Variants in SYN2 observed in about 807,000 individuals in gnomAD.
SYN2 encodes synapsin II.
A neutral mutation model predicts 50.9 loss-of-function variants in SYN2; 19 were observed. The observed-to-expected ratio is 0.37, with a 90% CI of 0.26 to 0.55. The LOEUF (loss-of-function observed/expected upper bound fraction) is 0.55, where lower values mean the gene tolerates loss of function less well. SYN2 is among the 20% of genes least tolerant of loss of function. The probability of loss-of-function intolerance (pLI) is 0.81; values close to 1 mark genes in which losing one functional copy is unlikely to be tolerated. For synonymous variants in SYN2, 255 were observed against 224.9 expected, an observed-to-expected ratio of 1.13 and a Z score of -1.20; for missense variants, 587 against 576.4, an observed-to-expected ratio of 1.02 and a Z score of -0.19.
At chr3:12,041,394 A>G (rs1488082594) in intron 1 of SYN2, among the ~76,000 whole-genome samples, 1 of 152,224 alleles carries the variant, frequency 6.6e-6, no homozygotes, top group Non-Finnish European at 1.5e-5. Context: ...ACATTGGAAT[A>G]GAGCTTGCCT....
chr3:12,185,078 G>C (rs1574895981), intron 11 of SYN2: 1 of 985,696 alleles, frequency 1.0e-6, no homozygotes, highest in Non-Finnish European at 1.2e-6. Flanking sequence ...TGCATTGAGT[G>C]TGAATGTTGT....
chr3:12,004,893 G>C lies in SYN2; in HGVS notation c.342G>C (p.Lys114Asn). 1 of 583,304 alleles carries C rather than the reference G, an allele frequency of 1.7e-6. No individual in the cohort carries two copies. The highest frequency in any genetic ancestry group is 3.1e-6 in the Non-Finnish European group (1 of 326,194). 36.1% of individuals were successfully genotyped at this position (583,304 alleles called of 1,614,324 possible). The change falls in exon 1 of 13, where the codon AAG becomes AAC. Residue 114 changes from lysine (K) to asparagine (N), a missense_variant. Lys to Asn is a moderately conservative substitution (Grantham distance 94). Coordinates refer to ENST00000621198, the MANE Select transcript of SYN2 (RefSeq NM_133625.6). The part of the protein sequence containing the change: ...APAPAAARKA[K>N]VLLVVDEPHA... ...CGCCCGCAGCCGCCAGGAAGGCCAAGGTGCTGCTGGTGGTCGACGAGCCGC... is the reference window on the plus strand; with the variant it reads ...CGCCCGCAGCCGCCAGGAAGGCCAACGTGCTGCTGGTGGTCGACGAGCCGC...
intron 1 of SYN2, among the ~76,000 whole-genome samples, chr3:12,020,200 T>C (rs766668107): frequency 7.9e-5 from 12 of 152,224 alleles, no homozygotes; most frequent in Non-Finnish European, 1.5e-4. Flanking sequence ...AAGCTTCTTA[T>C]TTTTCTTTGT....
Position 12,072,086 on chromosome 3 carries a change from T to A in SYN2, c.377+67158T>A, listed in dbSNP as rs140680905. Reference sequence around the variant, plus strand: ...GTAAGGAAAAATAAAAATGCTGCCGTTAAAAAAAAACAAAAACCTTTTTAT... The same window carrying A: ...GTAAGGAAAAATAAAAATGCTGCCGATAAAAAAAAACAAAAACCTTTTTAT... On this transcript the variant is annotated intron_variant, in intron 1 of 12. Coordinates refer to ENST00000621198, the MANE Select transcript of SYN2 (RefSeq NM_133625.6). Among the ~76,000 whole-genome samples the A allele has an allele frequency of 4.1e-4, 63 of 152,274 alleles. 1 individual carries two copies. The highest frequency in any genetic ancestry group is 1.5e-3 in the African/African-American group (62 of 41,552).
intron 10 of SYN2, among the ~76,000 whole-genome samples, chr3:12,182,352 G>A (rs963049375): frequency 3.9e-5 from 6 of 152,148 alleles, no homozygotes; most frequent in East Asian, 1.9e-4. Flanking sequence ...TGACATCACC[G>A]TTGGCACACT....
chr3:12,016,232 TC>T (rs959366694), intron 1 of SYN2, among the ~76,000 whole-genome samples: 2 of 152,068 alleles, frequency 1.3e-5, no homozygotes, highest in Non-Finnish European at 2.9e-5. Context: ...AGTTCTAGAG[TC>T]CTGTGTTCAC....
chr3:12,062,645 A>G (rs1007357044), intron 1 of SYN2, among the ~76,000 whole-genome samples: 1 of 152,040 alleles, frequency 6.6e-6, no homozygotes, highest in Non-Finnish European at 1.5e-5. Flanking sequence ...AATAACTCTA[A>G]GACTCAATAA....
intron 1 of SYN2, chr3:12,071,164 AC>A (rs1695345793): frequency 1.8e-6 from 1 of 553,538 alleles, no homozygotes; most frequent in South Asian, 1.4e-5. Context: ...CCCGGGCATC[AC>A]CAACAGGATG....
At chr3:12,085,108 TA>T (rs61355688) in intron 1 of SYN2, among the ~76,000 whole-genome samples, 2,488 of 148,914 alleles carry the variant, frequency 0.017, 59 homozygotes, top group African/African-American at 0.057. Context: ...GCTGACTGGG[TA>T]AAAAAAAAAA....
chr3:12,144,329 A>G (rs1028567176), intron 3 of SYN2, among the ~76,000 whole-genome samples: 3 of 152,196 alleles, frequency 2.0e-5, no homozygotes, highest in East Asian at 1.9e-4. Flanking sequence ...TTGGAAGAAT[A>G]ACATTGGGAA....
At position 12,141,731 on chromosome 3, in the gene SYN2, T is replaced by G. The variant is rs368255945; in HGVS notation, c.436-174T>G. ...TTCCTCCTTTGGTAAATGGGGATAATTATCTCTGTCCCACCTTCATCACAG... is the reference window on the plus strand; with the variant it reads ...TTCCTCCTTTGGTAAATGGGGATAAGTATCTCTGTCCCACCTTCATCACAG... On this transcript the variant is annotated intron_variant, in intron 2 of 12. Transcript: ENST00000621198. Among the ~76,000 whole-genome samples the G allele has an allele frequency of 3.9e-5, 6 of 152,358 alleles. No individual in the cohort carries two copies. In the East Asian group the frequency reaches 9.6e-4, roughly 24 times the overall value.
intron 5 of SYN2, chr3:12,158,613 T>C: frequency 1.9e-6 from 3 of 1,543,976 alleles, no homozygotes; most frequent in South Asian, 1.2e-5. Context: ...AGCTCCTCCC[T>C]TTTCCTCTGG....
intron 1 of SYN2, among the ~76,000 whole-genome samples, chr3:12,022,145 G>T (rs1394133743): frequency 6.6e-6 from 1 of 152,000 alleles, no homozygotes; most frequent in Non-Finnish European, 1.5e-5. Flanking sequence ...CACCTGTGGG[G>T]TCTATACTAG....
At chr3:12,174,711 A>C (rs1381165249) in intron 10 of SYN2, among the ~76,000 whole-genome samples, 1 of 152,108 alleles carries the variant, frequency 6.6e-6, no homozygotes, top group African/African-American at 2.4e-5. Context: ...CGATCTCCTG[A>C]CCTCATGATC....
At chr3:12,166,065 A>G (rs1403702136) in intron 7 of SYN2, among the ~76,000 whole-genome samples, 2 of 152,222 alleles carry the variant, frequency 1.3e-5, no homozygotes, top group Admixed American at 1.3e-4. Flanking sequence ...GAGGCACCTT[A>G]GAAAGCAGTC....
In SYN2 at chr3:12,145,659, T is replaced by A; in HGVS notation, c.528-20T>A. The A allele has an allele frequency of 6.2e-7, 1 of 1,611,508 alleles. No homozygotes were observed. The highest frequency in any genetic ancestry group is 8.5e-7 in the Non-Finnish European group (1 of 1,177,916). On this transcript the variant is annotated intron_variant, in intron 3 of 12. Transcript: ENST00000621198. ...CTGAAGTGCTGGTTAATGGCAAACC[T>A]GCCTCTACCTTCTCACCAGGTCCTT...
At chr3:12,077,307 T>A (rs574130919) in intron 1 of SYN2, among the ~76,000 whole-genome samples, 49 of 152,066 alleles carry the variant, frequency 3.2e-4, no homozygotes, top group Middle Eastern at 3.4e-3. Flanking sequence ...TCCTTTTTTT[T>A]TAAAAAAAAA....
At chr3:12,016,833 G>A (rs538691577) in intron 1 of SYN2, among the ~76,000 whole-genome samples, 2 of 152,252 alleles carry the variant, frequency 1.3e-5, no homozygotes, top group Admixed American at 6.5e-5. Flanking sequence ...TCCAGCCTGG[G>A]TGACAGAGAC....
rs928955283 is a variant in SYN2, at chr3:12,188,796, A to G, written c.1613+1184A>G. ...CCTCTTGCCTCTTGCCTGCCACATA[A>G]TGTCCCTTCAGCCCAGCTGTTTCCT... On this transcript the variant is annotated intron_variant, in intron 12 of 12. Transcript: ENST00000621198. Among the ~76,000 whole-genome samples the G allele has an allele frequency of 2.6e-5, 4 of 151,854 alleles. No homozygotes were observed. The East Asian group carries it at 7.8e-4, about 29-fold the overall frequency.
Sources: gnomAD v4.1 joint callset for allele counts (sites outside exome capture counted in the v4.1 genomes callset) on GRCh38, gnomAD v4.1.1 for gene constraint, MANE v1.5 for transcripts, NCBI Gene and HGNC (gene_info 2026-07-23, HGNC 2026-07-21) for gene names.